Variants in FAM8A1 observed in about 807,000 individuals in gnomAD.
FAM8A1 encodes protein FAM8A1.
Under a neutral mutation model 38.3 loss-of-function variants are expected in FAM8A1, and 18 were observed. The observed-to-expected ratio is 0.47, with a 90% CI of 0.33 to 0.70. FAM8A1 has a LOEUF of 0.70. Among genes scored for constraint, FAM8A1 ranks in the 30% least tolerant of loss-of-function variants. The pLI is 0.03. For missense variants in FAM8A1, 559 were observed against 559.6 expected, an observed-to-expected ratio of 1.00 and a Z score of 0.01; for synonymous variants, 246 against 234.4, an observed-to-expected ratio of 1.05 and a Z score of -0.45.
chr6:17,605,901 G>GCTA lies in FAM8A1; in HGVS notation c.987_989dup (p.Thr330dup). 1 of 1,559,150 alleles carries GCTA rather than the reference G, an allele frequency of 6.4e-7. No homozygotes were observed. Among genetic ancestry groups the GCTA allele is most frequent in the Non-Finnish European group, 8.7e-7 (1 of 1,145,300 alleles). The stretch of plus-strand genomic sequence containing the variant: ...AATTTGCATTTGGGGAGCAGGTGGA[G>GCTA]CTACCCCAGGGAAGTTCCTGCTGGG... On this transcript the variant is annotated inframe_insertion, in exon 4 of 5. Coordinates refer to ENST00000259963, the MANE Select transcript of FAM8A1 (RefSeq NM_016255.3).
At chr6:17,607,798 C>G (rs911573015) in intron 4 of FAM8A1, among the ~76,000 whole-genome samples, 2 of 152,152 alleles carry the variant, frequency 1.3e-5, no homozygotes, top group Admixed American at 1.3e-4. Context: ...ACACACAGTA[C>G]TTTAAAATGC....
In FAM8A1 at chr6:17,609,769, GA is replaced by G. The variant is rs1016452549; in HGVS notation, c.*1431del. ...CAGTTCAAAATTTGATTACTTAAGG[GA>G]TCAATCTAGGTGGTGTTCTTGGTCT... On this transcript the variant is annotated 3_prime_UTR_variant, in exon 5 of 5. Transcript: ENST00000259963. 4 of 152,114 alleles carry G rather than the reference GA, an allele frequency of 2.6e-5. No homozygotes were observed. The highest frequency in any genetic ancestry group is 9.7e-5 in the African/African-American group (4 of 41,416). The allele number at this position is 152,114 out of a possible 1,614,324, so 9.4% of individuals were successfully genotyped here.
chr6:17,603,205 A>G (rs1018327100), intron 2 of FAM8A1, among the ~76,000 whole-genome samples: 1 of 152,254 alleles, frequency 6.6e-6, no homozygotes, highest in Non-Finnish European at 1.5e-5. Context: ...CAGATTAACA[A>G]TAATCATAAT....
rs1028771792 is a variant in FAM8A1 at position 17,609,233 on chromosome 6, A to T, written c.*894A>T. ...AAAGTATTCCCAGTATGTGTGCAGC[A>T]TGAAGAAAGTATTAGTGCTTCTCAG... On this transcript the variant is annotated 3_prime_UTR_variant, in exon 5 of 5. Coordinates refer to ENST00000259963, the MANE Select transcript of FAM8A1 (RefSeq NM_016255.3). 6.6e-5 allele frequency: 10 copies of T among 152,186 alleles called. No individual in the cohort carries two copies. The highest frequency in any genetic ancestry group is 5.9e-4 in the Admixed American group (9 of 15,274). 9.4% of individuals were successfully genotyped at this position (152,186 alleles called of 1,614,324 possible).
At chr6:17,608,086 GAGA>G in intron 4 of FAM8A1, 106 bp from the exon 5 acceptor site, 1 of 1,160,338 alleles carries the variant, frequency 8.6e-7, no homozygotes, top group Non-Finnish European at 1.2e-6. Flanking sequence ...GACTTCTGTA[GAGA>G]AGTACAATTG....
rs1353780932 is a variant in FAM8A1, at chr6:17,610,658, T to C, written c.*2319T>C. On this transcript the variant is annotated 3_prime_UTR_variant, in exon 5 of 5. Coordinates refer to ENST00000259963, the MANE Select transcript of FAM8A1 (RefSeq NM_016255.3). ...AGAACACTTTATTATATTTCACTTA[T>C]AGACCTGATTTTCTGTGTCAAAGTA... 3.3e-5 allele frequency: 5 copies of C among 152,146 alleles called. No homozygotes were observed. Among genetic ancestry groups the C allele is most frequent in the South Asian group, 2.1e-4 (1 of 4,830 alleles). 9.4% of individuals were successfully genotyped at this position (152,146 alleles called of 1,614,324 possible).
Position 17,610,453 on chromosome 6 carries a change from G to GTAT in FAM8A1, c.*2119_*2121dup, listed in dbSNP as rs1302869601. The GTAT allele has an allele frequency of 6.6e-6, 1 of 152,036 alleles. No individual in the cohort carries two copies. Among genetic ancestry groups the GTAT allele is most frequent in the Non-Finnish European group, 1.5e-5 (1 of 67,982 alleles). 9.4% of individuals were successfully genotyped at this position (152,036 alleles called of 1,614,324 possible). A position where few individuals can be genotyped will look rare whatever the true frequency, so the allele number is the denominator to read the frequency against. ...GTATAACCCTACAAAATACATAGAA[G>GTAT]TATTATTTGCCTTCATAATAGAACC... is the stretch of plus-strand genomic sequence containing the variant. On this transcript the variant is annotated 3_prime_UTR_variant, in exon 5 of 5. Transcript: ENST00000259963.
chr6:17,608,167 A>T, intron 4 of FAM8A1, 28 bp from the exon 5 acceptor site: 1 of 1,611,484 alleles, frequency 6.2e-7, no homozygotes, highest in Non-Finnish European at 8.5e-7. Flanking sequence ...TGTGTAACTT[A>T]CCTGATATTT....
In FAM8A1 at chr6:17,600,518, C is replaced by T. The variant is rs971827574; in HGVS notation, c.109C>T (p.Pro37Ser). 1.0e-5 allele frequency: 16 copies of T among 1,535,868 alleles called. No homozygotes were observed. Among genetic ancestry groups the T allele is most frequent in the Non-Finnish European group, 1.3e-5 (15 of 1,145,866 alleles). ...GAGAGGCCCTCCTACCACCGCCGTC[C>T]CATGCCCCCGCGACGACCCCCAGGC... ...SLRGPPTTAV[P>S]CPRDDPQAEP... is the part of the protein sequence containing the mutation. The change falls in exon 1 of 5, where the codon CCA (proline) becomes TCA (serine). Residue 37 changes from proline to serine, a missense_variant. This residue lies in a region of FAM8A1 where 393 missense variants were observed against 338.9 expected (regional missense o/e 1.16). Coordinates refer to ENST00000259963, the MANE Select transcript of FAM8A1 (RefSeq NM_016255.3).
chr6:17,604,534 T>C (rs1764027298), intron 2 of FAM8A1, among the ~76,000 whole-genome samples: 1 of 152,174 alleles, frequency 6.6e-6, no homozygotes, highest in African/African-American at 2.4e-5. Flanking sequence ...CTGGGAAACC[T>C]TCACAAGGTT....
At chr6:17,605,696 T>A (rs1764043151) in intron 3 of FAM8A1, among the ~76,000 whole-genome samples, 178 bp from the exon 4 acceptor site, 1 of 152,236 alleles carries the variant, frequency 6.6e-6, no homozygotes, top group Admixed American at 6.5e-5. Flanking sequence ...CATCTTGTGG[T>A]ATTGGACATG....
chr6:17,604,466 CTCT>C (rs1254594211), intron 2 of FAM8A1, among the ~76,000 whole-genome samples: 1 of 152,136 alleles, frequency 6.6e-6, no homozygotes, highest in Non-Finnish European at 1.5e-5. Context: ...ACGTTATTTC[CTCT>C]TCTTAGTCTG....
chr6:17,611,352 C>G lies in FAM8A1; in HGVS notation c.*3013C>G, dbSNP rs1003914477. ...CTAGTTGCTACTTGGGAATAAAGGG[C>G]TTTTTGAGGGGGGTATGGATATTAA... On this transcript the variant is annotated 3_prime_UTR_variant, in exon 5 of 5. Transcript: ENST00000259963. 2.0e-5 allele frequency: 3 copies of G among 152,470 alleles called. No individual in the cohort carries two copies. The highest frequency in any genetic ancestry group is 7.2e-5 in the African/African-American group (3 of 41,406). The allele number at this position is 152,470 out of a possible 1,614,324, so 9.4% of individuals were successfully genotyped here. A position where few individuals can be genotyped will look rare whatever the true frequency, so the allele number is the denominator to read the frequency against.
intron 3 of FAM8A1, 57 bp downstream of exon 3, chr6:17,605,086 C>G (rs986591190): frequency 6.0e-6 from 9 of 1,505,124 alleles, no homozygotes; most frequent in Non-Finnish European, 8.1e-6. Flanking sequence ...TATGTTTTTA[C>G]ATTTATTTTT....
intron 4 of FAM8A1, 150 bp downstream of exon 4, chr6:17,606,163 G>A (rs928310577): frequency 1.1e-5 from 5 of 455,982 alleles, no homozygotes; most frequent in Non-Finnish European, 1.8e-5. Context: ...TTACATGATT[G>A]TAGACCTCTT....
rs576207550 is a variant in FAM8A1 at position 17,605,759 on chromosome 6, A to G, written c.958-115A>G. ...TAAATGGTTAACTTTTGAGTATTCT[A>G]TGCAATTCTTTCAACTTGAAAAATT... On this transcript the variant is annotated intron_variant, in intron 3 of 4. Coordinates refer to ENST00000259963, the MANE Select transcript of FAM8A1 (RefSeq NM_016255.3). 2.2e-5 allele frequency: 23 copies of G among 1,024,544 alleles called. No homozygotes were observed. The East Asian group carries it at 3.9e-4, about 17-fold the overall frequency. The allele number at this position is 1,024,544 out of a possible 1,614,324, so 63.5% of individuals were successfully genotyped here. A position where few individuals can be genotyped will look rare whatever the true frequency, so the allele number is the denominator to read the frequency against.
At position 17,605,965 on chromosome 6, in the gene FAM8A1, C is replaced by T. The variant is rs754192162; in HGVS notation, c.1049C>T (p.Ala350Val). 4.4e-6 allele frequency: 7 copies of T among 1,584,036 alleles called. No homozygotes were observed. In the Admixed American group the frequency reaches 8.5e-5, roughly 19 times the overall value. ...VVTCDTSVLIAPSRVLVIPSS... is the reference protein window; with the variant it reads ...VVTCDTSVLIVPSRVLVIPSS... Reference sequence around the variant, plus strand: ...ACATGTGATACATCAGTGCTTATTGCACCAAGTCGGGTTTTAGTGATTCCT... The same window carrying T: ...ACATGTGATACATCAGTGCTTATTGTACCAAGTCGGGTTTTAGTGATTCCT... Residue 350 changes from alanine (A) to valine (V), a missense_variant, in exon 4 of 5, where the codon GCA (alanine) becomes GTA (valine). Physicochemically the swap from Ala to Val is moderately conservative, Grantham distance 64. Around this residue, in one of 2 missense-constraint regions of FAM8A1, gnomAD observed 166 missense variants for 220.8 expected, o/e 0.75. Coordinates refer to ENST00000259963, the MANE Select transcript of FAM8A1 (RefSeq NM_016255.3).
rs186340767 is a variant in FAM8A1 at position 17,611,226 on chromosome 6, A to T, written c.*2887A>T. The T allele has an allele frequency of 9.1e-4, 139 of 152,398 alleles. No homozygotes were observed. The highest frequency in any genetic ancestry group is 3.0e-3 in the African/African-American group (124 of 41,570). 9.4% of individuals were successfully genotyped at this position (152,398 alleles called of 1,614,324 possible). A position where few individuals can be genotyped will look rare whatever the true frequency, so the allele number is the denominator to read the frequency against. On this transcript the variant is annotated 3_prime_UTR_variant, in exon 5 of 5. Coordinates refer to ENST00000259963, the MANE Select transcript of FAM8A1 (RefSeq NM_016255.3). ...AAATGAGTGTTTTTAGATTCAAGTGACAGTAAAAGGATTTGTTCCCTTCAG... is the reference window on the plus strand; with the variant it reads ...AAATGAGTGTTTTTAGATTCAAGTGTCAGTAAAAGGATTTGTTCCCTTCAG...
chr6:17,609,881 C>T lies in FAM8A1; in HGVS notation c.*1542C>T, dbSNP rs1194571134. On this transcript the variant is annotated 3_prime_UTR_variant, in exon 5 of 5. Transcript: ENST00000259963. The stretch of plus-strand genomic sequence containing the variant: ...TCTTTGACGTTTAAAACTGTGACAA[C>T]AGATATTCACATTTGATTATAGAAA... 1 of 152,116 alleles carries T rather than the reference C, an allele frequency of 6.6e-6. No homozygotes were observed. Among genetic ancestry groups the T allele is most frequent in the East Asian group, 1.9e-4 (1 of 5,196 alleles). The allele number at this position is 152,116 out of a possible 1,614,324, so 9.4% of individuals were successfully genotyped here.
Sources: allele counts gnomAD v4.1 joint callset (sites outside exome capture counted in the v4.1 genomes callset), GRCh38; gene constraint gnomAD v4.1.1; regional missense constraint gnomAD v4.1.1; transcripts MANE v1.5; gene names NCBI Gene and HGNC (gene_info 2026-07-23, HGNC 2026-07-21).